The following TENM1 variants were observed in gnomAD, a reference collection of about 807,000 sequenced individuals.
TENM1 encodes teneurin transmembrane protein 1, also known as teneurin-1.
Under a neutral mutation model 174.8 loss-of-function variants are expected in TENM1, and 35 were observed. That is an observed-to-expected ratio of 0.20 (90% confidence interval 0.15 to 0.27). TENM1 has a LOEUF of 0.27. TENM1 is among the 10% of genes least tolerant of loss of function. The probability of loss-of-function intolerance (pLI) is 1.00; values close to 1 mark genes in which losing one functional copy is unlikely to be tolerated. For missense variants in TENM1, 1,633 were observed against 2,130.1 expected, an observed-to-expected ratio of 0.77 and a Z score of 4.59; for synonymous variants, 781 against 798.7, an observed-to-expected ratio of 0.98 and a Z score of 0.37.
chrX:124,605,745 G>C (rs759285238), intron 11 of TENM1, among the ~76,000 whole-genome samples: 2 of 111,401 alleles, frequency 1.8e-5, no homozygotes, highest in Non-Finnish European at 3.8e-5. Context: ...GTGATCTACT[G>C]TTCCACTGGA....
At chrX:124,980,415 T>C in the TENM1 span, among the ~76,000 whole-genome samples, 1 of 111,093 alleles carries the variant, frequency 9.0e-6, no homozygotes, top group Admixed American at 9.6e-5. Context: ...AAAAATACCA[T>C]AAGTCGAAAA....
At chrX:125,017,405 C>A in the TENM1 span, among the ~76,000 whole-genome samples, 120 of 111,592 alleles carry the variant, frequency 1.1e-3, 1 homozygote, top group African/African-American at 3.6e-3. Context: ...GAAATAGGAA[C>A]GCTTTTACAC....
At chrX:124,571,928 C>T (rs1202126608) in intron 11 of TENM1, among the ~76,000 whole-genome samples, 1 of 109,104 alleles carries the variant, frequency 9.2e-6, no homozygotes, top group Non-Finnish European at 1.9e-5. Context: ...CAAAACAGTT[C>T]CAAAATAGGG....
At chrX:124,870,209 A>T (rs915331215) in intron 3 of TENM1, among the ~76,000 whole-genome samples, 2 of 112,051 alleles carry the variant, frequency 1.8e-5, no homozygotes, top group Middle Eastern at 4.3e-3. Flanking sequence ...GACATAAATC[A>T]TATACCAAAA....
chrX:125,158,636 C>A, the TENM1 span, among the ~76,000 whole-genome samples: 1 of 110,207 alleles, frequency 9.1e-6, no homozygotes, highest in Non-Finnish European at 1.9e-5. Flanking sequence ...CTAGTACTAA[C>A]TAGATGCACA....
chrX:124,896,783 A>C (rs1055624768), intron 1 of TENM1, among the ~76,000 whole-genome samples: 1 of 111,844 alleles, frequency 8.9e-6, no homozygotes, highest in Non-Finnish European at 1.9e-5. Context: ...AATCATCAGT[A>C]CCTAATATCA....
chrX:125,021,218 A>ATTTT, the TENM1 span, among the ~76,000 whole-genome samples: 1 of 96,362 alleles, frequency 1.0e-5, no homozygotes, highest in South Asian at 4.6e-4. Context: ...ATTAAAGACA[A>ATTTT]TTTTTTTTTT....
At chrX:124,531,126 CTTTTTTTTT>C (rs1189755779) in intron 15 of TENM1, among the ~76,000 whole-genome samples, 1 of 79,181 alleles carries the variant, frequency 1.3e-5, no homozygotes, top group South Asian at 7.2e-4. Context: ...TCAATACCAC[CTTTTTTTTT>C]TTTTTTTTTT....
intron 4 of TENM1, among the ~76,000 whole-genome samples, chrX:124,710,272 T>G (rs1283834038): frequency 9.0e-6 from 1 of 111,303 alleles, no homozygotes; most frequent in Non-Finnish European, 1.9e-5. Context: ...AAATGTCACA[T>G]ATTATGGATT....
At chrX:124,403,905 C>A (rs1214616920) in intron 27 of TENM1, among the ~76,000 whole-genome samples, 2 of 110,929 alleles carry the variant, frequency 1.8e-5, no homozygotes, top group Non-Finnish European at 3.8e-5. Flanking sequence ...AAACACTCAC[C>A]CCGTCATTCT....
the TENM1 span, among the ~76,000 whole-genome samples, chrX:125,199,070 G>A: frequency 9.0e-6 from 1 of 111,379 alleles, no homozygotes; most frequent in African/African-American, 3.3e-5. Flanking sequence ...ACCCAAGAGT[G>A]TTTAAGATAT....
At chrX:124,584,204 G>A (rs1193518191) in intron 11 of TENM1, among the ~76,000 whole-genome samples, 5 of 109,471 alleles carry the variant, frequency 4.6e-5, no homozygotes, top group African/African-American at 1.3e-4. Context: ...GATACTCCTC[G>A]AGAAGAGCAA....
chrX:124,954,399 T>C (rs2058539259), intron 1 of TENM1, among the ~76,000 whole-genome samples: 1 of 111,942 alleles, frequency 8.9e-6, no homozygotes, highest in African/African-American at 3.2e-5. Flanking sequence ...TTCTTTCCCT[T>C]CTCCAATACT....
chrX:125,099,742 G>A, the TENM1 span, among the ~76,000 whole-genome samples: 1 of 111,721 alleles, frequency 9.0e-6, no homozygotes, highest in Non-Finnish European at 1.9e-5. Flanking sequence ...ATAAAATAAT[G>A]TCAGAGCCAT....
chrX:124,503,993 T>C (rs2047389169), intron 18 of TENM1, among the ~76,000 whole-genome samples: 1 of 111,687 alleles, frequency 9.0e-6, no homozygotes, highest in African/African-American at 3.3e-5. Flanking sequence ...TTTTGGGCTT[T>C]TGGGTTGGAG....
chrX:124,757,439 C>T (rs1463869983), intron 3 of TENM1, among the ~76,000 whole-genome samples: 6 of 112,685 alleles, frequency 5.3e-5, no homozygotes, highest in Non-Finnish European at 1.1e-4. Flanking sequence ...TGACCCCTTG[C>T]GCTTCCCGAG....
intron 17 of TENM1, 68 bp downstream of exon 20, chrX:124,523,296 A>C (rs925487409): frequency 1.0e-5 from 11 of 1,050,245 alleles, no homozygotes; most frequent in Non-Finnish European, 1.4e-5. Flanking sequence ...AAAGGAATTT[A>C]GCTATTATAC....
intron 3 of TENM1, among the ~76,000 whole-genome samples, chrX:124,834,116 C>T (rs147024931): frequency 0.027 from 2,962 of 111,320 alleles, 37 homozygotes; most frequent in Middle Eastern, 0.074. Flanking sequence ...ATTCGTATTC[C>T]TGGAATTTTG....
the TENM1 span, among the ~76,000 whole-genome samples, chrX:125,020,266 C>T: frequency 9.0e-6 from 1 of 111,385 alleles, no homozygotes. Flanking sequence ...AGACAGGGAA[C>T]CTATTTTTCT....
Sources: allele counts gnomAD v4.1 joint callset (sites outside exome capture counted in the v4.1 genomes callset), GRCh38; gene constraint gnomAD v4.1.1; transcripts MANE v1.5; gene names NCBI Gene and HGNC (gene_info 2026-07-23, HGNC 2026-07-21).